LRP1B: variants seen among roughly 807,000 people sequenced by gnomAD.
The protein encoded by LRP1B is low-density lipoprotein receptor-related protein 1B.
Under a neutral mutation model 556.6 loss-of-function variants are expected in LRP1B, and 217 were observed. The observed-to-expected ratio is 0.39, with a 90% CI of 0.35 to 0.44. The LOEUF (loss-of-function observed/expected upper bound fraction) is 0.44. LRP1B is among the 20% of genes least tolerant of loss of function. LRP1B has a pLI of 1.00. For synonymous variants in LRP1B, 2,047 were observed against 1,865.8 expected, an observed-to-expected ratio of 1.10 and a Z score of -2.50; for missense variants, 5,053 against 5,620.8, an observed-to-expected ratio of 0.90 and a Z score of 3.23.
At chr2:141,308,658 T>C (rs1461584728) in intron 3 of LRP1B, among the ~76,000 whole-genome samples, 1 of 152,100 alleles carries the variant, frequency 6.6e-6, no homozygotes, top group Non-Finnish European at 1.5e-5. Context: ...ATTATATTAA[T>C]AAAAAAATAG....
chr2:140,732,261 A>G (rs1179824711), intron 35 of LRP1B, among the ~76,000 whole-genome samples: 1 of 152,080 alleles, frequency 6.6e-6, no homozygotes, highest in East Asian at 1.9e-4. Context: ...CCACATTTTA[A>G]TTATCATTGC....
At chr2:141,352,430 G>T (rs1026279837) in intron 3 of LRP1B, among the ~76,000 whole-genome samples, 11 of 151,770 alleles carry the variant, frequency 7.2e-5, no homozygotes, top group African/African-American at 2.4e-4. Context: ...AAGTTGCAAT[G>T]ATAGTACAGA....
chr2:140,861,414 A>G lies in LRP1B; in HGVS notation c.4579+6176T>C, dbSNP rs1249909923. The stretch of plus-strand genomic sequence containing the variant: ...AGAGTGAGATTCCATCTCAAAAAAC[A>G]AAGAGAAAGACTGATGTATTTAATC... On this transcript the variant is annotated intron_variant, in intron 27 of 90. Coordinates refer to ENST00000389484, the MANE Select transcript of LRP1B (RefSeq NM_018557.3). Among the ~76,000 whole-genome samples the G allele has an allele frequency of 3.3e-5, 5 of 152,238 alleles. No homozygotes were observed. In the East Asian group the frequency reaches 5.8e-4, roughly 18 times the overall value.
At chr2:141,148,543 T>C (rs1000665944) in intron 7 of LRP1B, among the ~76,000 whole-genome samples, 13 of 152,250 alleles carry the variant, frequency 8.5e-5, no homozygotes, top group South Asian at 2.1e-4. Context: ...GCTCCCAGTA[T>C]TGAACTGAAA....
At chr2:141,974,041 A>G (rs1410073304) in intron 1 of LRP1B, among the ~76,000 whole-genome samples, 1 of 151,928 alleles carries the variant, frequency 6.6e-6, no homozygotes, top group Non-Finnish European at 1.5e-5. Context: ...CTAAGTATGA[A>G]TTGATTACAT....
At chr2:141,189,867 G>A (rs1048310311) in intron 6 of LRP1B, among the ~76,000 whole-genome samples, 3 of 151,854 alleles carry the variant, frequency 2.0e-5, no homozygotes, top group Non-Finnish European at 4.4e-5. Context: ...AAGTACCTGG[G>A]GAGCAGCCAA....
At chr2:141,071,849 A>G (rs1435099554) in intron 7 of LRP1B, among the ~76,000 whole-genome samples, 6 of 152,170 alleles carry the variant, frequency 3.9e-5, no homozygotes, top group Non-Finnish European at 2.9e-5. Context: ...TCGATGAAAT[A>G]AAAGAGTATA....
intron 2 of LRP1B, among the ~76,000 whole-genome samples, chr2:141,591,403 C>CT (rs1260025901): frequency 1.4e-5 from 2 of 143,388 alleles, no homozygotes; most frequent in African/African-American, 5.2e-5. Context: ...GGGCCAAGTG[C>CT]TGACCAGGCC....
At chr2:141,377,286 T>A (rs1487707377) in intron 3 of LRP1B, among the ~76,000 whole-genome samples, 1 of 152,184 alleles carries the variant, frequency 6.6e-6, no homozygotes, top group Non-Finnish European at 1.5e-5. Context: ...TGTGTATATT[T>A]TACAAATATG....
At chr2:140,876,578 C>A (rs918226599) in intron 25 of LRP1B, among the ~76,000 whole-genome samples, 2 of 152,096 alleles carry the variant, frequency 1.3e-5, no homozygotes, top group Non-Finnish European at 2.9e-5. Flanking sequence ...TCTATACCAT[C>A]CCTGTACAGG....
chr2:142,042,841 G>A (rs1489141093), intron 1 of LRP1B, among the ~76,000 whole-genome samples: 3 of 151,460 alleles, frequency 2.0e-5, no homozygotes, highest in Non-Finnish European at 4.4e-5. Flanking sequence ...GAGTTGTTAT[G>A]TCTTTTATTG....
intron 1 of LRP1B, among the ~76,000 whole-genome samples, chr2:141,867,436 A>C (rs749820331): frequency 2.0e-5 from 3 of 152,170 alleles, no homozygotes; most frequent in Non-Finnish European, 4.4e-5. Flanking sequence ...ATATGTTTTC[A>C]AATAAATAAA....
chr2:141,275,414 AAAT>A (rs1685249360), intron 3 of LRP1B, among the ~76,000 whole-genome samples: 1 of 152,168 alleles, frequency 6.6e-6, no homozygotes, highest in South Asian at 2.1e-4. Context: ...AAAAGTCAGG[AAAT>A]ACCAGTAATG....
At chr2:142,068,464 T>C (rs55646046) in intron 1 of LRP1B, among the ~76,000 whole-genome samples, 6,546 of 151,584 alleles carry the variant, frequency 0.043, 232 homozygotes, top group Non-Finnish European at 0.058. Flanking sequence ...ATCTTTGTTA[T>C]AGGCCAGGAT....
intron 1 of LRP1B, among the ~76,000 whole-genome samples, chr2:142,082,557 G>A (rs940677703): frequency 2.6e-5 from 4 of 152,186 alleles, no homozygotes; most frequent in East Asian, 3.9e-4. Flanking sequence ...CTGCTGACTC[G>A]TGTCCCAGGT....
rs1553497029 is a variant in LRP1B at position 141,329,655 on chromosome 2, A to AAAAAAAACAAAAC, written c.344-75015_344-75014insGTTTTGTTTTTTT. Among the ~76,000 whole-genome samples, 583 of 138,096 alleles carry AAAAAAAACAAAAC rather than the reference A, an allele frequency of 4.2e-3. 5 individuals are homozygous for AAAAAAAACAAAAC. Among genetic ancestry groups the AAAAAAAACAAAAC allele is most frequent in the African/African-American group, 0.015 (557 of 36,020 alleles). The allele number at this position is 138,096 out of a possible 152,430, so 90.6% of individuals were successfully genotyped here. ...CGAGACTCTGTCTCAAAAAAAAAAA[A>AAAAAAAACAAAAC]AAAAAAAAAACTATCTCTCTCTCTA... is the stretch of plus-strand genomic sequence containing the variant. On this transcript the variant is annotated intron_variant, in intron 3 of 90. Transcript: ENST00000389484.
Position 141,325,519 on chromosome 2 carries a change from T to C in LRP1B, c.344-70878A>G, listed in dbSNP as rs547358152. 5.3e-5 allele frequency among the ~76,000 whole-genome samples: 8 copies of C among 152,282 alleles called. No homozygotes were observed. The South Asian group carries it at 1.7e-3, about 32-fold the overall frequency. On this transcript the variant is annotated intron_variant, in intron 3 of 90. Coordinates refer to ENST00000389484, the MANE Select transcript of LRP1B (RefSeq NM_018557.3). The stretch of plus-strand genomic sequence containing the variant: ...CAGACTATACTAGGTAACATAGTTC[T>C]GTTTGTTGTTTAGATGATTTTCCTC...
intron 4 of LRP1B, among the ~76,000 whole-genome samples, chr2:141,249,893 T>C (rs1483153893): frequency 6.6e-6 from 1 of 152,186 alleles, no homozygotes; most frequent in Non-Finnish European, 1.5e-5. Flanking sequence ...TGCTTTTTAC[T>C]GAGTCCTTAA....
chr2:141,229,437 G>T lies in LRP1B; in HGVS notation c.596C>A (p.Pro199His), dbSNP rs773363368. 41 of 1,550,802 alleles carry T rather than the reference G, an allele frequency of 2.6e-5. No individual in the cohort carries two copies. The Admixed American group carries it at 6.6e-4, about 25-fold the overall frequency. The change falls in exon 6 of 91, where the codon CCT becomes CAT. Residue 199 changes from proline to histidine, a missense_variant. By Grantham distance (77) the Pro-to-His change is moderately conservative. This residue lies in a region of LRP1B where 3,619 missense variants were observed against 3,931.9 expected (regional missense o/e 0.92). Coordinates refer to ENST00000389484, the MANE Select transcript of LRP1B (RefSeq NM_018557.3). ...TAATAGTATAGGTGGTCTATCTGTA[G>T]GTTCTGGAATAAAATAGAAAAAGAG... ...DNRSCKAKIEPTDRPPILLIA... is the reference protein window; with the variant it reads ...DNRSCKAKIEHTDRPPILLIA...
Sources: gnomAD v4.1 joint callset for allele counts (sites outside exome capture counted in the v4.1 genomes callset) on GRCh38, gnomAD v4.1.1 for gene constraint, gnomAD v4.1.1 regional missense constraint, MANE v1.5 for transcripts, NCBI Gene and HGNC (gene_info 2026-07-23, HGNC 2026-07-21) for gene names.